TTI1: variants seen among roughly 807,000 people sequenced by gnomAD.
TTI1 encodes TELO2 interacting protein 1.
A neutral mutation model predicts 85.4 loss-of-function variants in TTI1; 52 were observed. The ratio of observed to expected loss-of-function variants is 0.61; its 90% CI spans 0.49 to 0.77. The LOEUF is 0.77. Ranked by LOEUF, TTI1 falls within the 30% of genes least tolerant of loss-of-function variation. The probability of loss-of-function intolerance (pLI) is 0.00; values close to 1 mark genes in which losing one functional copy is unlikely to be tolerated. For synonymous variants in TTI1, 512 were observed against 503.9 expected, an observed-to-expected ratio of 1.02 and a Z score of -0.22; for missense variants, 1,173 against 1,296.0, an observed-to-expected ratio of 0.91 and a Z score of 1.46.
At chr20:37,998,297 G>GA (rs1260686386) in intron 5 of TTI1, among the ~76,000 whole-genome samples, 1 of 151,834 alleles carries the variant, frequency 6.6e-6, no homozygotes, top group Non-Finnish European at 1.5e-5. Flanking sequence ...TTTGTTTTGG[G>GA]AAAAAAACAT....
chr20:38,026,556 C>T (rs767151938), intron 1 of TTI1, among the ~76,000 whole-genome samples: 13 of 152,114 alleles, frequency 8.5e-5, no homozygotes, highest in South Asian at 2.1e-4. Flanking sequence ...AAACAGTCAA[C>T]GCAGAACCAT....
intron 1 of TTI1, among the ~76,000 whole-genome samples, chr20:38,020,962 T>C (rs1378420214): frequency 7.9e-5 from 12 of 152,220 alleles, no homozygotes; most frequent in Non-Finnish European, 1.5e-4. Context: ...CAAAGGTGAA[T>C]ATATATATGC....
rs1265309232 is a variant in TTI1 at position 38,011,695 on chromosome 20, G to A, written c.2122C>T (p.His708Tyr). Residue 708 changes from histidine (H) to tyrosine (Y), a missense_variant, in exon 2 of 8, where the codon CAT (histidine) becomes TAT (tyrosine). Physicochemically the swap from His to Tyr is moderately conservative, Grantham distance 83. Coordinates refer to ENST00000373447, the MANE Select transcript of TTI1 (RefSeq NM_001303457.2). The stretch of plus-strand genomic sequence containing the variant: ...GGGGTATGAGGATGCAGAGCCAGAT[G>A]ACGCAGATTTAAAGAGATCCCATTC... ...LVNGISLNLRHLALHPHTPKV... is the reference protein window; with the variant it reads ...LVNGISLNLRYLALHPHTPKV... 3.7e-6 allele frequency: 6 copies of A among 1,614,112 alleles called. No homozygotes were observed. The highest frequency in any genetic ancestry group is 4.2e-6 in the Non-Finnish European group (5 of 1,180,056).
rs2073639541 is a variant in TTI1 at position 38,013,714 on chromosome 20, T to C, written c.103A>G (p.Thr35Ala). Residue 35 changes from threonine (T) to alanine (A), a missense_variant, in exon 2 of 8, where the codon ACA (threonine) becomes GCA (alanine). Coordinates refer to ENST00000373447, the MANE Select transcript of TTI1 (RefSeq NM_001303457.2). ...CTGTCACTCACAGCTTGTAGTCGTGTCTGCAGATGCTCCACATTCTCCACT... is the reference window on the plus strand; with the variant it reads ...CTGTCACTCACAGCTTGTAGTCGTGCCTGCAGATGCTCCACATTCTCCACT... ...QTVENVEHLQ[T>A]RLQAVSDSAL... 1.2e-6 allele frequency: 2 copies of C among 1,614,090 alleles called. No individual in the cohort carries two copies. The highest frequency in any genetic ancestry group is 1.7e-6 in the Non-Finnish European group (2 of 1,180,044).
chr20:38,027,828 G>A (rs1425460325), intron 1 of TTI1, among the ~76,000 whole-genome samples: 1 of 152,208 alleles, frequency 6.6e-6, no homozygotes, highest in Non-Finnish European at 1.5e-5. Context: ...GGAGGCTGAG[G>A]TGGGAGAATC....
In TTI1 at chr20:38,011,590, C is replaced by G. The variant is rs990639521; in HGVS notation, c.2227G>C (p.Ala743Pro). Residue 743 changes from alanine (A) to proline (P), a missense_variant, in exon 2 of 8, where the codon GCC becomes CCC. Physicochemically the swap from Ala to Pro is conservative, Grantham distance 27. Coordinates refer to ENST00000373447, the MANE Select transcript of TTI1 (RefSeq NM_001303457.2). ...TTATCGTAAAATTGGTCCAGGGTGG[C>G]CAAGACATCTTGAACCACATCTGCC... ...LVADVVQDVL[A>P]TLDQFYDKRA... 3 of 1,614,202 alleles carry G rather than the reference C, an allele frequency of 1.9e-6. No homozygotes were observed. The highest frequency in any genetic ancestry group is 2.5e-6 in the Non-Finnish European group (3 of 1,180,032).
intron 7 of TTI1, among the ~76,000 whole-genome samples, chr20:37,986,228 T>C (rs1049660283): frequency 6.6e-5 from 10 of 152,234 alleles, no homozygotes; most frequent in Non-Finnish European, 1.5e-4. Flanking sequence ...AATATTTTTA[T>C]CTGGGCAACA....
intron 7 of TTI1, among the ~76,000 whole-genome samples, chr20:37,985,077 A>T (rs2073172852): frequency 6.6e-6 from 1 of 152,222 alleles, no homozygotes; most frequent in Admixed American, 6.5e-5. Flanking sequence ...TATTAACAGG[A>T]TTCAAATTAT....
intron 1 of TTI1, among the ~76,000 whole-genome samples, chr20:38,015,792 G>A (rs1315273494): frequency 6.6e-6 from 1 of 152,166 alleles, no homozygotes; most frequent in Non-Finnish European, 1.5e-5. Flanking sequence ...TGGCCTAGTA[G>A]ATCAAGTGGA....
intron 7 of TTI1, among the ~76,000 whole-genome samples, chr20:37,983,947 G>C (rs971557446): frequency 1.3e-5 from 2 of 152,128 alleles, no homozygotes; most frequent in Non-Finnish European, 2.9e-5. Flanking sequence ...GAGTTCCAGA[G>C]TAGAAAGCAG....
intron 7 of TTI1, among the ~76,000 whole-genome samples, chr20:37,995,126 A>G (rs554661191): frequency 8.2e-4 from 125 of 152,334 alleles, no homozygotes; most frequent in African/African-American, 2.9e-3. Context: ...TTCACCCTAA[A>G]TTGATTCTGT....
intron 5 of TTI1, among the ~76,000 whole-genome samples, chr20:37,997,223 AATATCTTG>A: frequency 6.6e-6 from 1 of 151,468 alleles, no homozygotes; most frequent in East Asian, 1.9e-4. Context: ...TAATATGATT[AATATCTTG>A]ATTTCCCTCC....
At chr20:37,985,392 T>C (rs188706386) in intron 7 of TTI1, among the ~76,000 whole-genome samples, 2 of 152,302 alleles carry the variant, frequency 1.3e-5, no homozygotes, top group East Asian at 3.9e-4. Flanking sequence ...ATTTCACTAA[T>C]ATGAAAGACC....
chr20:37,999,305 A>G lies in TTI1; in HGVS notation c.2676T>C (p.Cys892=). ...RLKVLDVLDL[C]VVVLQSHKNQ... The stretch of plus-strand genomic sequence containing the variant: ...TTTTGTGGGACTGAAGAACAACCAC[A>G]CACAGATCCAGCACATCCAAGACCT... The change falls in exon 5 of 8, where the codon TGT becomes TGC. Residue 892 remains cysteine, a synonymous_variant. Transcript: ENST00000373447. 6.8e-7 allele frequency: 1 copy of G among 1,475,186 alleles called. No individual in the cohort carries two copies. Among genetic ancestry groups the G allele is most frequent in the Non-Finnish European group, 9.0e-7 (1 of 1,106,952 alleles). The allele number at this position is 1,475,186 out of a possible 1,614,324, so 91.4% of individuals were successfully genotyped here.
Position 38,002,662 on chromosome 20 carries a change from A to G in TTI1, c.2618T>C (p.Leu873Ser), listed in dbSNP as rs1001721383. ...GATTTGCAGATTTTTATCTGACAAC[A>G]AGTGGATGCAGCGTTCCATCACGTC... ...AMDVMERCIH[L>S]LSDKNLQIRL... The change falls in exon 4 of 8, where the codon TTG (leucine) becomes TCG (serine). Residue 873 changes from leucine to serine, a missense_variant. Leu to Ser is a moderately radical substitution (Grantham distance 145). Coordinates refer to ENST00000373447, the MANE Select transcript of TTI1 (RefSeq NM_001303457.2). The G allele has an allele frequency of 6.2e-7, 1 of 1,614,216 alleles. No individual in the cohort carries two copies. The highest frequency in any genetic ancestry group is 1.6e-4 in the Middle Eastern group (1 of 6,062).
Position 38,012,627 on chromosome 20 carries a change from T to C in TTI1, c.1190A>G (p.Lys397Arg), listed in dbSNP as rs758461263. ...AAGTAACAAGGAAAGAGTAGAGAAT[T>C]TGCCCTGGTCATCTTGGGAGTTCAT... The part of the protein sequence containing the change: ...RLMNSQDDQG[K>R]FSTLSLLLGY... Residue 397 changes from lysine to arginine, a missense_variant, in exon 2 of 8, where the codon AAA becomes AGA. Coordinates refer to ENST00000373447, the MANE Select transcript of TTI1 (RefSeq NM_001303457.2). 5.6e-6 allele frequency: 9 copies of C among 1,614,176 alleles called. No individual in the cohort carries two copies. Among genetic ancestry groups the C allele is most frequent in the East Asian group, 2.2e-5 (1 of 44,880 alleles).
At position 37,983,500 on chromosome 20, in the gene TTI1, G is replaced by T; in HGVS notation, c.3226C>A (p.Pro1076Thr). The T allele has an allele frequency of 1.2e-6, 2 of 1,611,854 alleles. No individual in the cohort carries two copies. Among genetic ancestry groups the T allele is most frequent in the Non-Finnish European group, 1.7e-6 (2 of 1,179,766 alleles). ...QLHGASGQQNPYTTNVLQLLK... is the reference protein window; with the variant it reads ...QLHGASGQQNTYTTNVLQLLK... ...AGCTGGAGCACGTTGGTCGTGTAGG[G>T]GTTCTGCTGCCCGCTGGCCCCGTGC... The change falls in exon 8 of 8, where the codon CCC (proline) becomes ACC (threonine). Residue 1076 changes from proline (P) to threonine (T), a missense_variant. Transcript: ENST00000373447.
In TTI1 at chr20:38,012,562, G is replaced by C; in HGVS notation, c.1255C>G (p.Leu419Val). The C allele has an allele frequency of 1.2e-6, 2 of 1,614,168 alleles. No homozygotes were observed. The highest frequency in any genetic ancestry group is 1.7e-6 in the Non-Finnish European group (2 of 1,180,042). ...CGCTGGAGATGGGCCACAGAGTTGA[G>C]GACAAAGTTTATTTTTGGGCCCAAG... ...KLLGPKINFV[L>V]NSVAHLQRLS... is the part of the protein sequence containing the mutation. The change falls in exon 2 of 8, where the codon CTC (leucine) becomes GTC (valine). Residue 419 changes from leucine to valine, a missense_variant. Transcript: ENST00000373447.
At chr20:38,020,275 C>A (rs1169667463) in intron 1 of TTI1, among the ~76,000 whole-genome samples, 4 of 114,736 alleles carry the variant, frequency 3.5e-5, no homozygotes, top group Non-Finnish European at 6.9e-5. Flanking sequence ...ATGGCCTTTT[C>A]AATTAAAGGT....
Sources: gnomAD v4.1 joint callset for allele counts (sites outside exome capture counted in the v4.1 genomes callset) on GRCh38, gnomAD v4.1.1 for gene constraint, MANE v1.5 for transcripts, NCBI Gene and HGNC (gene_info 2026-07-23, HGNC 2026-07-21) for gene names.